The following WDR41 variants were observed in gnomAD, a reference collection of about 807,000 sequenced individuals.
The protein encoded by WDR41 is WD repeat domain 41, also known as WD repeat-containing protein 41.
WDR41 carries 63 observed loss-of-function variants against 69.3 expected under a neutral mutation model. The ratio of observed to expected loss-of-function variants is 0.91; its 90% CI spans 0.74 to 1.12. WDR41 has a LOEUF of 1.12. Among genes scored for constraint, WDR41 ranks in the 50% most tolerant of loss-of-function variants. WDR41 has a pLI of 0.00. For synonymous variants in WDR41, 185 were observed against 192.1 expected, an observed-to-expected ratio of 0.96 and a Z score of 0.31; for missense variants, 543 against 534.5, an observed-to-expected ratio of 1.02 and a Z score of -0.16.
intron 2 of WDR41, among the ~76,000 whole-genome samples, chr5:77,480,647 G>A (rs998752198): frequency 4.7e-5 from 7 of 149,420 alleles, no homozygotes; most frequent in Admixed American, 6.7e-5. Context: ...ACACAGGAAG[G>A]GGAACATCAC....
At chr5:77,556,231 A>G (rs570661777) in intron 1 of WDR41, among the ~76,000 whole-genome samples, 1 of 151,350 alleles carries the variant, frequency 6.6e-6, no homozygotes, top group Non-Finnish European at 1.5e-5. Flanking sequence ...AGCCTGCCGA[A>G]ATAGCTGGGA....
intron 1 of WDR41, among the ~76,000 whole-genome samples, chr5:77,552,448 A>G (rs941922530): frequency 6.6e-6 from 1 of 152,240 alleles, no homozygotes; most frequent in Non-Finnish European, 1.5e-5. Flanking sequence ...CAGTTTAGTA[A>G]TGCTGTCAAT....
chr5:77,562,869 C>T (rs1034539583), intron 1 of WDR41, among the ~76,000 whole-genome samples: 13 of 152,190 alleles, frequency 8.5e-5, no homozygotes, highest in Non-Finnish European at 1.9e-4. Context: ...TAAGACTCAG[C>T]TCAAATGCTG....
At chr5:77,594,270 T>TGGGGGGA (rs1744182075) in intron 1 of WDR41, among the ~76,000 whole-genome samples, 1 of 36,452 alleles carries the variant, frequency 2.7e-5, no homozygotes, top group Non-Finnish European at 5.0e-5. Context: ...TGTTGTGGGG[T>TGGGGGGA]GGGGGGAGGG....
At chr5:77,515,176 GT>G (rs756211475) in intron 1 of WDR41, among the ~76,000 whole-genome samples, 10 of 151,796 alleles carry the variant, frequency 6.6e-5, no homozygotes, top group African/African-American at 9.7e-5. Flanking sequence ...TAAAACATAT[GT>G]TTTACAACTG....
chr5:77,442,955 T>C (rs1455216500), intron 8 of WDR41, among the ~76,000 whole-genome samples: 1 of 147,526 alleles, frequency 6.8e-6, no homozygotes, highest in African/African-American at 2.6e-5. Context: ...TTACACACTA[T>C]ATATTTAATA....
At chr5:77,538,738 G>A (rs1462546352) in intron 1 of WDR41, among the ~76,000 whole-genome samples, 1 of 152,194 alleles carries the variant, frequency 6.6e-6, no homozygotes, top group Non-Finnish European at 1.5e-5. Context: ...ATGCTAAGAA[G>A]CTGGTCTTGT....
chr5:77,469,626 G>T (rs576386575), intron 2 of WDR41, among the ~76,000 whole-genome samples: 8 of 152,244 alleles, frequency 5.3e-5, no homozygotes, highest in African/African-American at 1.7e-4. Flanking sequence ...ATCACTGCCT[G>T]AAGTCATTAT....
chr5:77,534,756 A>G (rs1469965655), intron 1 of WDR41, among the ~76,000 whole-genome samples: 2 of 152,064 alleles, frequency 1.3e-5, no homozygotes, highest in Non-Finnish European at 2.9e-5. Context: ...ATTTAACCAA[A>G]CACTTATTGA....
chr5:77,567,851 G>A (rs1046022653), intron 1 of WDR41, among the ~76,000 whole-genome samples: 6 of 150,592 alleles, frequency 4.0e-5, no homozygotes, highest in South Asian at 2.1e-4. Context: ...TACTCCTCCC[G>A]TCTCATCCCG....
chr5:77,492,193 G>T lies in WDR41; in HGVS notation c.28C>A (p.Arg10=). Residue 10 remains arginine (R), a synonymous_variant, in exon 1 of 13, where the codon CGA becomes AGA. Transcript: ENST00000296679. MLRWLIGGG[R]EPQGLAEKSP... ...ACCTCGGCCAGTCCCTGCGGTTCTC[G>T]GCCTCCCCCGATCAGCCATCGCAAC... The T allele has an allele frequency of 6.2e-7, 1 of 1,612,352 alleles. No homozygotes were observed. The highest frequency in any genetic ancestry group is 1.1e-5 in the South Asian group (1 of 90,652).
chr5:77,512,367 T>A (rs796585060), intron 1 of WDR41, among the ~76,000 whole-genome samples: 46,273 of 118,198 alleles, frequency 0.39, 8,362 homozygotes, highest in African/African-American at 0.43. Context: ...TGTGTGTGTG[T>A]GTGTGTGTGT....
At chr5:77,467,559 A>G (rs965938362) in intron 2 of WDR41, among the ~76,000 whole-genome samples, 21 of 152,184 alleles carry the variant, frequency 1.4e-4, no homozygotes, top group African/African-American at 5.1e-4. Flanking sequence ...AGAGATGTCA[A>G]AATAGAAAAA....
At chr5:77,487,426 C>CA (rs911239301) in intron 2 of WDR41, among the ~76,000 whole-genome samples, 93 of 151,406 alleles carry the variant, frequency 6.1e-4, no homozygotes, top group African/African-American at 1.7e-3. Flanking sequence ...GTAACATTGC[C>CA]AAAAAAAAGG....
chr5:77,549,055 T>A (rs1037636821), intron 1 of WDR41, among the ~76,000 whole-genome samples: 1 of 152,034 alleles, frequency 6.6e-6, no homozygotes, highest in Non-Finnish European at 1.5e-5. Context: ...ACATCGTATG[T>A]TCTCGCTTAT....
chr5:77,460,816 G>GCAT (rs2151319873), intron 4 of WDR41, among the ~76,000 whole-genome samples: 1 of 152,246 alleles, frequency 6.6e-6, no homozygotes, highest in Non-Finnish European at 1.5e-5. Flanking sequence ...TCCACTTGTG[G>GCAT]CATCACGTCA....
chr5:77,449,906 G>T, intron 7 of WDR41, 36 bp from the exon 8 acceptor site: 1 of 1,376,438 alleles, frequency 7.3e-7, no homozygotes, highest in South Asian at 1.2e-5. Context: ...TTATTACAAT[G>T]CTCTAAGAGG....
intron 1 of WDR41, among the ~76,000 whole-genome samples, chr5:77,528,628 C>A (rs1386868699): frequency 2.6e-5 from 4 of 151,452 alleles, no homozygotes; most frequent in African/African-American, 9.7e-5. Context: ...TTAGAAATGC[C>A]AAACATAAAA....
At chr5:77,608,440 T>G (rs574747015) in intron 1 of WDR41, among the ~76,000 whole-genome samples, 1 of 152,322 alleles carries the variant, frequency 6.6e-6, no homozygotes, top group South Asian at 2.1e-4. Context: ...TGATTAAGCC[T>G]GTAGAGGCTT....
Sources: allele counts gnomAD v4.1 joint callset (sites outside exome capture counted in the v4.1 genomes callset), GRCh38; gene constraint gnomAD v4.1.1; transcripts MANE v1.5; gene names NCBI Gene and HGNC (gene_info 2026-07-23, HGNC 2026-07-21).